OR2C1: variants seen among roughly 807,000 people sequenced by gnomAD.
OR2C1 encodes the protein olfactory receptor family 2 subfamily C member 1.
For missense variants in OR2C1, 468 were observed against 388.3 expected (o/e 1.21, Z -1.73); for synonymous variants, 209 against 167.3 (o/e 1.25, Z -1.92).
At chr16:3,341,508 C>T in the OR2C1 span, among the ~76,000 whole-genome samples, 1 of 152,132 alleles carries the variant, frequency 6.6e-6, no homozygotes. Context: ...TCCTTCTTTT[C>T]TTCCTGAATT....
In OR2C1 at chr16:3,356,303, C is replaced by T. The variant is rs372576961; in HGVS notation, c.363C>T (p.Asp121=). The change falls in exon 1 of 1, where the codon GAC becomes GAT. Residue 121 remains aspartate (D), a synonymous_variant. Coordinates refer to ENST00000304936, the MANE Select transcript of OR2C1 (RefSeq NM_012368.3). ...ECILLVVMAF[D]RYVAVCRPLR... is the part of the protein sequence containing the mutation. ...TCCTGCTGGTGGTGATGGCATTTGA[C>T]CGCTACGTGGCAGTGTGCCGGCCCC... is the stretch of plus-strand genomic sequence containing the variant. 1.8e-4 allele frequency: 293 copies of T among 1,613,280 alleles called. 1 individual carries two copies. The highest frequency in any genetic ancestry group is 2.0e-4 in the Non-Finnish European group (231 of 1,179,938).
chr16:3,354,740 T>C (rs1054209970), upstream of OR2C1, among the ~76,000 whole-genome samples: 2 of 152,166 alleles, frequency 1.3e-5, no homozygotes, highest in Non-Finnish European at 2.9e-5. Context: ...CCCCCTTCCC[T>C]GAGCGTATCA....
chr16:3,353,451 A>C (rs892372927), upstream of OR2C1, among the ~76,000 whole-genome samples: 1 of 139,986 alleles, frequency 7.1e-6, no homozygotes, highest in African/African-American at 2.7e-5. Context: ...AGATCCCGCC[A>C]CTGCACTCCA....
chr16:3,340,341 T>C, the OR2C1 span, among the ~76,000 whole-genome samples: 1 of 152,174 alleles, frequency 6.6e-6, no homozygotes, highest in Admixed American at 6.5e-5. Flanking sequence ...TGAGTTGTAG[T>C]CTTTTATATA....
chr16:3,342,095 A>G, the OR2C1 span, among the ~76,000 whole-genome samples: 1 of 152,134 alleles, frequency 6.6e-6, no homozygotes, highest in South Asian at 2.1e-4. Flanking sequence ...TACTAAAAAT[A>G]CAAAATTTAG....
At chr16:3,344,245 T>A in the OR2C1 span, among the ~76,000 whole-genome samples, 1 of 151,422 alleles carries the variant, frequency 6.6e-6, no homozygotes, top group Non-Finnish European at 1.5e-5. Flanking sequence ...AAAACAGAAC[T>A]ATTATAAATA....
the OR2C1 span, among the ~76,000 whole-genome samples, chr16:3,349,805 G>A: frequency 1.3e-5 from 2 of 151,880 alleles, no homozygotes; most frequent in African/African-American, 2.4e-5. Context: ...GGGAGGCAGA[G>A]GCAGGAGAAT....
chr16:3,337,572 T>G, the OR2C1 span, among the ~76,000 whole-genome samples: 8 of 152,138 alleles, frequency 5.3e-5, no homozygotes, highest in Admixed American at 4.6e-4. Flanking sequence ...ATTTCTCATT[T>G]CCAAGATTCC....
chr16:3,336,739 G>A, the OR2C1 span, among the ~76,000 whole-genome samples: 4 of 88,650 alleles, frequency 4.5e-5, no homozygotes, highest in South Asian at 4.0e-4. Flanking sequence ...ACAGAGTTTC[G>A]CTCTTGTTGC....
chr16:3,347,874 GCA>G, the OR2C1 span, among the ~76,000 whole-genome samples: 1 of 16,990 alleles, frequency 5.9e-5, no homozygotes, highest in East Asian at 3.8e-3. Flanking sequence ...ACACACACAC[GCA>G]CATGCACACA....
At position 3,356,289 on chromosome 16, in the gene OR2C1, G is replaced by C. The variant is rs781749236; in HGVS notation, c.349G>C (p.Val117Leu). 1.8e-5 allele frequency: 29 copies of C among 1,613,708 alleles called. No individual in the cohort carries two copies. The highest frequency in any genetic ancestry group is 2.4e-5 in the Non-Finnish European group (28 of 1,180,014). ...LGATECILLV[V>L]MAFDRYVAVC... is the part of the protein sequence containing the mutation. ...GGCCACCGAGTGCATCCTGCTGGTGGTGATGGCATTTGACCGCTACGTGGC... is the reference window on the plus strand; with the variant it reads ...GGCCACCGAGTGCATCCTGCTGGTGCTGATGGCATTTGACCGCTACGTGGC... The change falls in exon 1 of 1, where the codon GTG (valine) becomes CTG (leucine). Residue 117 changes from valine (V) to leucine (L), a missense_variant. By Grantham distance (32) the Val-to-Leu change is conservative. Coordinates refer to ENST00000304936, the MANE Select transcript of OR2C1 (RefSeq NM_012368.3).
chr16:3,349,370 C>T, the OR2C1 span, among the ~76,000 whole-genome samples: 1 of 150,602 alleles, frequency 6.6e-6, no homozygotes, highest in Non-Finnish European at 1.5e-5. Flanking sequence ...GGAGATCTAC[C>T]CTTGGGCGCT....
upstream of OR2C1, among the ~76,000 whole-genome samples, chr16:3,351,887 C>CTTTTTTT (rs35692577): frequency 1.0e-4 from 13 of 124,586 alleles, no homozygotes; most frequent in East Asian, 2.3e-4. Context: ...AGCATTTAGT[C>CTTTTTTT]TTTTTTTTTT....
chr16:3,352,266 A>G (rs1018899511), upstream of OR2C1, among the ~76,000 whole-genome samples: 2 of 151,742 alleles, frequency 1.3e-5, no homozygotes, highest in African/African-American at 2.4e-5. Context: ...ACAGGCGCCC[A>G]CCACCACGCC....
the OR2C1 span, among the ~76,000 whole-genome samples, chr16:3,347,172 G>A: frequency 3.7e-3 from 541 of 147,238 alleles, 3 homozygotes; most frequent in African/African-American, 0.012. Context: ...ACTTGAACCC[G>A]GGAGGCAGAG....
the OR2C1 span, chr16:3,324,032 C>G: frequency 2.4e-6 from 1 of 418,396 alleles, no homozygotes; most frequent in Non-Finnish European, 4.2e-6. Context: ...TTTGTACAAT[C>G]AACTGAATGA....
At chr16:3,328,019 C>T in the OR2C1 span, among the ~76,000 whole-genome samples, 1 of 152,168 alleles carries the variant, frequency 6.6e-6, no homozygotes, top group African/African-American at 2.4e-5. Flanking sequence ...ATTTAATATC[C>T]CTATTCTACT....
chr16:3,356,644 G>A lies in OR2C1; in HGVS notation c.704G>A (p.Arg235Gln), dbSNP rs780752599. The change falls in exon 1 of 1, where the codon CGA (arginine) becomes CAA (glutamine). Residue 235 changes from arginine to glutamine, a missense_variant. Arg to Gln is a conservative substitution (Grantham distance 43, BLOSUM62 1). Coordinates refer to ENST00000304936, the MANE Select transcript of OR2C1 (RefSeq NM_012368.3). ...AAAATCCGCTCTGCAGAGGGGAGGC[G>A]AAAGGCGTTCAATACGTGCCTCTCC... ...VLKIRSAEGR[R>Q]KAFNTCLSHL... is the part of the protein sequence containing the mutation. 18 of 1,614,018 alleles carry A rather than the reference G, an allele frequency of 1.1e-5. No homozygotes were observed. The highest frequency in any genetic ancestry group is 5.0e-5 in the Admixed American group (3 of 60,010).
the OR2C1 span, among the ~76,000 whole-genome samples, chr16:3,325,977 C>A: frequency 6.9e-6 from 1 of 145,448 alleles, no homozygotes; most frequent in East Asian, 2.0e-4. Flanking sequence ...GTTGCCCAGG[C>A]TGGAGTGCAG....
Sources: allele counts gnomAD v4.1 joint callset (sites outside exome capture counted in the v4.1 genomes callset), GRCh38; gene constraint gnomAD v4.1.1; transcripts MANE v1.5; gene names NCBI Gene and HGNC (gene_info 2026-07-23, HGNC 2026-07-21).